EBPL: variants seen among roughly 807,000 people sequenced by gnomAD.
EBPL encodes the protein EBP like.
A neutral mutation model predicts 19.0 loss-of-function variants in EBPL; 20 were observed. The ratio of observed to expected loss-of-function variants is 1.05; its 90% CI spans 0.74 to 1.53. The LOEUF is 1.53. Ranked by LOEUF, EBPL falls within the 40% of genes most tolerant of loss-of-function variation. The pLI is 0.00. For synonymous variants in EBPL, 107 were observed against 117.0 expected (o/e 0.91, Z 0.55); for missense variants, 219 against 261.1 (o/e 0.84, Z 1.11).
chr13:49,666,715 A>G (rs1251865329), intron 2 of EBPL, among the ~76,000 whole-genome samples: 2 of 145,906 alleles, frequency 1.4e-5, no homozygotes, highest in Non-Finnish European at 3.0e-5. Flanking sequence ...CCGTCTCAAA[A>G]AAAAAAAAAA....
At chr13:49,663,408 G>A (rs1269514370) in intron 2 of EBPL, among the ~76,000 whole-genome samples, 1 of 152,140 alleles carries the variant, frequency 6.6e-6, no homozygotes, top group Non-Finnish European at 1.5e-5. Context: ...CAGGTTTACA[G>A]GTGTCCAATC....
chr13:49,686,771 CA>C (rs1316245386), intron 1 of EBPL, among the ~76,000 whole-genome samples: 1 of 152,148 alleles, frequency 6.6e-6, no homozygotes, highest in Non-Finnish European at 1.5e-5. Flanking sequence ...ACTCAATTTA[CA>C]TTTTTCAATT....
chr13:49,687,225 A>AC (rs1471098041), intron 1 of EBPL, among the ~76,000 whole-genome samples: 1 of 151,964 alleles, frequency 6.6e-6, no homozygotes, highest in Non-Finnish European at 1.5e-5. Context: ...GATCATGTCC[A>AC]CCCCCAATCT....
intron 1 of EBPL, among the ~76,000 whole-genome samples, chr13:49,680,453 C>T (rs1953929791): frequency 6.6e-6 from 1 of 152,198 alleles, no homozygotes; most frequent in Non-Finnish European, 1.5e-5. Flanking sequence ...TGCAGCAAAA[C>T]TTGAAAATGC....
intron 1 of EBPL, among the ~76,000 whole-genome samples, chr13:49,673,266 C>A (rs1014577457): frequency 6.6e-6 from 1 of 152,092 alleles, no homozygotes; most frequent in Non-Finnish European, 1.5e-5. Flanking sequence ...AATGACCATA[C>A]GACCCAGCAA....
intron 1 of EBPL, among the ~76,000 whole-genome samples, chr13:49,690,511 G>T (rs183097723): frequency 1.3e-5 from 2 of 151,198 alleles, no homozygotes; most frequent in African/African-American, 4.9e-5. Flanking sequence ...GTGGTGGGGG[G>T]CGGGGCATTT....
intron 1 of EBPL, among the ~76,000 whole-genome samples, chr13:49,673,211 TA>T (rs1234443906): frequency 1.3e-5 from 2 of 151,824 alleles, no homozygotes; most frequent in African/African-American, 2.4e-5. Context: ...ATACAGCCAC[TA>T]AAAAAAACCA....
rs953326864 is a variant in EBPL, at chr13:49,691,178, C to A, written c.171+76G>T. 15 of 1,204,066 alleles carry A rather than the reference C, an allele frequency of 1.2e-5. No individual in the cohort carries two copies. In the Admixed American group the frequency reaches 2.6e-4, roughly 21 times the overall value. 74.6% of individuals were successfully genotyped at this position (1,204,066 alleles called of 1,614,324 possible). A position where few individuals can be genotyped will look rare whatever the true frequency, so the allele number is the denominator to read the frequency against. ...CAGCTCGCTGCAAAAAGCCGCAGGACCCCCTCACCCCGCCTTGCCGCCCCC... is the reference window on the plus strand; with the variant it reads ...CAGCTCGCTGCAAAAAGCCGCAGGAACCCCTCACCCCGCCTTGCCGCCCCC... On this transcript the variant is annotated intron_variant, in intron 1 of 3. Coordinates refer to ENST00000242827, the MANE Select transcript of EBPL (RefSeq NM_032565.5).
chr13:49,661,711 G>T, intron 3 of EBPL: 1 of 980,424 alleles, frequency 1.0e-6, no homozygotes, highest in Non-Finnish European at 1.2e-6. Context: ...TAGTAAGTTT[G>T]CAACCAGCGT....
At chr13:49,665,518 G>A (rs1261356999) in intron 2 of EBPL, among the ~76,000 whole-genome samples, 2 of 152,172 alleles carry the variant, frequency 1.3e-5, no homozygotes, top group Non-Finnish European at 1.5e-5. Flanking sequence ...TGATCCACCT[G>A]CTTTGGCCTC....
At chr13:49,661,739 G>A (rs1028229195) in intron 3 of EBPL, 36 of 1,464,986 alleles carry the variant, frequency 2.5e-5, no homozygotes, top group African/African-American at 1.3e-4. Context: ...TGAAAAATAC[G>A]TCAAGGTACC....
At chr13:49,684,096 G>C (rs894436014) in intron 1 of EBPL, among the ~76,000 whole-genome samples, 1 of 152,110 alleles carries the variant, frequency 6.6e-6, no homozygotes, top group Non-Finnish European at 1.5e-5. Flanking sequence ...GTGTTTGTTG[G>C]GGCTGGTGAT....
intron 1 of EBPL, among the ~76,000 whole-genome samples, chr13:49,689,057 C>T (rs1004123075): frequency 6.6e-6 from 1 of 152,126 alleles, no homozygotes; most frequent in Non-Finnish European, 1.5e-5. Context: ...AGATACATCC[C>T]AATTTAGAGA....
chr13:49,663,301 ACT>A, intron 2 of EBPL, 106 bp from the exon 3 acceptor site: 1 of 1,404,810 alleles, frequency 7.1e-7, no homozygotes, highest in Non-Finnish European at 9.9e-7. Context: ...AGTAATCGCC[ACT>A]CTCTCTGCAT....
At chr13:49,661,855 G>GC in intron 3 of EBPL, 1 of 1,550,434 alleles carries the variant, frequency 6.4e-7, no homozygotes, top group East Asian at 2.4e-5. Flanking sequence ...ATGGAATGCA[G>GC]CTGTGCCTAC....
At chr13:49,686,418 C>A in intron 1 of EBPL, 1 of 1,249,770 alleles carries the variant, frequency 8.0e-7, no homozygotes, top group Non-Finnish European at 1.0e-6. Flanking sequence ...GCTTCTGGAG[C>A]CTCCCTCCCA....
chr13:49,689,139 G>C (rs374776481), intron 1 of EBPL, among the ~76,000 whole-genome samples: 1 of 152,160 alleles, frequency 6.6e-6, no homozygotes, highest in Non-Finnish European at 1.5e-5. Flanking sequence ...GTGAAAAAAT[G>C]TGGGTCTTAG....
At chr13:49,672,662 A>G (rs775665471) in intron 1 of EBPL, among the ~76,000 whole-genome samples, 1 of 152,254 alleles carries the variant, frequency 6.6e-6, no homozygotes, top group Non-Finnish European at 1.5e-5. Context: ...CGGAAAGTAC[A>G]TAAAGATGGC....
chr13:49,686,411 T>C (rs1217415746), intron 1 of EBPL: 1 of 1,243,232 alleles, frequency 8.0e-7, no homozygotes, highest in Non-Finnish European at 1.0e-6. Flanking sequence ...GCCTTTGGCT[T>C]CTGGAGCCTC....
Sources: gnomAD v4.1 joint callset for allele counts (sites outside exome capture counted in the v4.1 genomes callset) on GRCh38, gnomAD v4.1.1 for gene constraint, MANE v1.5 for transcripts, NCBI Gene and HGNC (gene_info 2026-07-23, HGNC 2026-07-21) for gene names.